FHOD3: variants seen among roughly 807,000 people sequenced by gnomAD.
The protein encoded by FHOD3 is FH1/FH2 domain-containing protein 3.
Under a neutral mutation model 173.0 loss-of-function variants are expected in FHOD3, and 90 were observed. The ratio of observed to expected loss-of-function variants is 0.52; its 90% CI spans 0.44 to 0.62. The LOEUF (loss-of-function observed/expected upper bound fraction) is 0.62, where lower values mean the gene tolerates loss of function less well. Ranked by LOEUF, FHOD3 falls within the 20% of genes least tolerant of loss-of-function variation. FHOD3 has a pLI of 0.00. For missense variants in FHOD3, 1,945 were observed against 2,034.7 expected (o/e 0.96, Z 0.85); for synonymous variants, 828 against 823.0 (o/e 1.01, Z -0.10).
chr18:36,338,533 A>G (rs2045442172), intron 1 of FHOD3, among the ~76,000 whole-genome samples: 1 of 152,206 alleles, frequency 6.6e-6, no homozygotes, highest in Non-Finnish European at 1.5e-5. Flanking sequence ...TGCAGGCCCC[A>G]TCATTTCACA....
chr18:36,660,598 G>A (rs1406882933), intron 14 of FHOD3, among the ~76,000 whole-genome samples: 2 of 152,182 alleles, frequency 1.3e-5, no homozygotes, highest in African/African-American at 2.4e-5. Flanking sequence ...ATGAGTAGAG[G>A]TTCAGGCTTG....
At chr18:36,585,732 C>G (rs757085880) in intron 6 of FHOD3, among the ~76,000 whole-genome samples, 15 of 152,238 alleles carry the variant, frequency 9.9e-5, no homozygotes, top group Non-Finnish European at 2.1e-4. Flanking sequence ...GAAGCAGAAA[C>G]TAAGGGTGCA....
intron 3 of FHOD3, among the ~76,000 whole-genome samples, chr18:36,474,447 G>A (rs928515607): frequency 4.6e-5 from 7 of 152,182 alleles, no homozygotes; most frequent in Non-Finnish European, 1.0e-4. Context: ...TCTGGCTTCT[G>A]TTTGGGCCAT....
At chr18:36,537,225 A>G (rs548161564) in intron 5 of FHOD3, among the ~76,000 whole-genome samples, 3 of 152,216 alleles carry the variant, frequency 2.0e-5, no homozygotes, top group Admixed American at 6.5e-5. Context: ...AAGCCTATGA[A>G]GTCTTTGCAG....
At chr18:36,696,411 T>C (rs1314636746) in intron 17 of FHOD3, among the ~76,000 whole-genome samples, 1 of 152,254 alleles carries the variant, frequency 6.6e-6, no homozygotes, top group African/African-American at 2.4e-5. Context: ...TACAGGTCCC[T>C]TTATGGGTTC....
chr18:36,653,095 A>T (rs1290991682), intron 12 of FHOD3, among the ~76,000 whole-genome samples, 166 bp downstream of exon 12: 1 of 152,234 alleles, frequency 6.6e-6, no homozygotes. Context: ...TGACTAAATA[A>T]TGACCAGTGT....
intron 3 of FHOD3, among the ~76,000 whole-genome samples, chr18:36,465,926 C>A (rs987295425): frequency 6.6e-6 from 1 of 152,116 alleles, no homozygotes; most frequent in Admixed American, 6.5e-5. Context: ...CAGACTGAGT[C>A]TGAGATTAGA....
At chr18:36,645,480 C>T (rs544741187) in intron 10 of FHOD3, among the ~76,000 whole-genome samples, 14 of 152,198 alleles carry the variant, frequency 9.2e-5, no homozygotes, top group African/African-American at 2.9e-4. Flanking sequence ...TCTGCCATGA[C>T]AGGAGGGATG....
At chr18:36,623,846 G>T (rs907378279) in intron 9 of FHOD3, among the ~76,000 whole-genome samples, 3 of 152,186 alleles carry the variant, frequency 2.0e-5, no homozygotes, top group Admixed American at 1.3e-4. Flanking sequence ...TGTATCTCAG[G>T]TGCTGATATG....
chr18:36,537,151 T>C (rs932598116), intron 5 of FHOD3, among the ~76,000 whole-genome samples: 1 of 152,176 alleles, frequency 6.6e-6, no homozygotes, highest in Non-Finnish European at 1.5e-5. Context: ...ATGGCCTGTC[T>C]CCACTCCAAA....
At chr18:36,382,518 A>G (rs1210512238) in intron 3 of FHOD3, among the ~76,000 whole-genome samples, 1 of 152,250 alleles carries the variant, frequency 6.6e-6, no homozygotes, top group African/African-American at 2.4e-5. Flanking sequence ...TGCTCAGTAT[A>G]GCATTTGCCT....
intron 18 of FHOD3, chr18:36,710,679 T>G (rs2040123543): frequency 6.6e-6 from 1 of 152,206 alleles, no homozygotes; most frequent in Non-Finnish European, 1.5e-5. Context: ...GCATTGAAAA[T>G]CCAGTGTCTT....
chr18:36,374,455 A>G (rs2047337025), intron 3 of FHOD3, among the ~76,000 whole-genome samples: 1 of 152,350 alleles, frequency 6.6e-6, no homozygotes, highest in African/African-American at 2.4e-5. Flanking sequence ...ATAGTACCAA[A>G]TATTTCATAA....
In FHOD3 at chr18:36,323,914, A is replaced by C. The variant is rs553014572; in HGVS notation, c.165+25914A>C. On this transcript the variant is annotated intron_variant, in intron 1 of 28. Coordinates refer to ENST00000590592, the MANE Select transcript of FHOD3 (RefSeq NM_001281740.3). ...CTAAATAGTATGTAAGAAGACATTTAAACAGCTAGCCAGAACTTGTAGGGT... is the reference window on the plus strand; with the variant it reads ...CTAAATAGTATGTAAGAAGACATTTCAACAGCTAGCCAGAACTTGTAGGGT... Among the ~76,000 whole-genome samples the C allele has an allele frequency of 7.9e-5, 12 of 152,388 alleles. No homozygotes were observed. In the South Asian group the frequency reaches 2.5e-3, roughly 32 times the overall value.
intron 5 of FHOD3, among the ~76,000 whole-genome samples, chr18:36,530,175 G>T (rs116969773): frequency 4.6e-5 from 7 of 152,188 alleles, no homozygotes; most frequent in African/African-American, 1.7e-4. Flanking sequence ...CTTAGAAAAC[G>T]GTATAAAGAG....
chr18:36,332,797 C>T (rs1215386628), intron 1 of FHOD3, among the ~76,000 whole-genome samples: 2 of 152,234 alleles, frequency 1.3e-5, no homozygotes, highest in East Asian at 3.9e-4. Context: ...TGCTTAGTCT[C>T]CCTCTGCCTG....
At chr18:36,723,298 T>G (rs906871716) in intron 19 of FHOD3, among the ~76,000 whole-genome samples, 2 of 152,214 alleles carry the variant, frequency 1.3e-5, no homozygotes, top group African/African-American at 4.8e-5. Flanking sequence ...GCAAGAAATT[T>G]TATTTCTGAC....
chr18:36,323,713 C>T (rs568646236), intron 1 of FHOD3, among the ~76,000 whole-genome samples: 21 of 152,220 alleles, frequency 1.4e-4, no homozygotes, highest in Non-Finnish European at 2.8e-4. Context: ...CACACCTAAT[C>T]TCACCTCTTC....
intron 3 of FHOD3, among the ~76,000 whole-genome samples, chr18:36,447,380 G>A (rs2051547125): frequency 2.0e-5 from 3 of 152,198 alleles, no homozygotes; most frequent in South Asian, 4.1e-4. Flanking sequence ...TTGATTTGGG[G>A]ACATGACGTG....
Sources: gnomAD v4.1 joint callset for allele counts (sites outside exome capture counted in the v4.1 genomes callset) on GRCh38, gnomAD v4.1.1 for gene constraint, MANE v1.5 for transcripts, NCBI Gene and HGNC (gene_info 2026-07-23, HGNC 2026-07-21) for gene names.